Variants in VWF observed in about 807,000 individuals in gnomAD.
VWF encodes the protein von Willebrand factor.
VWF carries 176 observed loss-of-function variants against 308.6 expected under a neutral mutation model. That is an observed-to-expected ratio of 0.57 (90% CI 0.50 to 0.65). The LOEUF is 0.65. Ranked by LOEUF, VWF falls within the 30% of genes least tolerant of loss-of-function variation. The probability of loss-of-function intolerance (pLI) is 0.00; values close to 1 mark genes in which losing one functional copy is unlikely to be tolerated. For missense variants in VWF, 3,146 were observed against 3,648.2 expected (o/e 0.86, Z 3.55); for synonymous variants, 1,385 against 1,443.4 (o/e 0.96, Z 0.92).
intron 34 of VWF, among the ~76,000 whole-genome samples, chr12:6,001,738 G>A (rs981735627): frequency 3.3e-5 from 5 of 152,092 alleles, no homozygotes; most frequent in African/African-American, 1.2e-4. Context: ...ATCAAAATAT[G>A]TAGTTCTCAT....
At position 6,055,920 on chromosome 12, in the gene VWF, A is replaced by G. The variant is rs1322418767; in HGVS notation, c.1945+937T>C. 4.0e-5 allele frequency among the ~76,000 whole-genome samples: 6 copies of G among 151,706 alleles called. No homozygotes were observed. The East Asian group carries it at 1.2e-3, about 29-fold the overall frequency. ...CTCCCAAGTAGCTGGGACTACACCTACATTTTAATTTCTAAACACATCTAC... is the reference window on the plus strand; with the variant it reads ...CTCCCAAGTAGCTGGGACTACACCTGCATTTTAATTTCTAAACACATCTAC... On this transcript the variant is annotated intron_variant, in intron 15 of 51. Coordinates refer to ENST00000261405, the MANE Select transcript of VWF (RefSeq NM_000552.5).
intron 37 of VWF, among the ~76,000 whole-genome samples, chr12:5,993,364 T>C (rs1004260958): frequency 3.9e-5 from 6 of 152,136 alleles, no homozygotes; most frequent in African/African-American, 1.4e-4. Context: ...GCAGTGTTTA[T>C]AACTGAGAAG....
At chr12:5,980,104 AAGGAAGGAAGGAAG>A in intron 42 of VWF, among the ~76,000 whole-genome samples, 1 of 21,228 alleles carries the variant, frequency 4.7e-5, no homozygotes, top group Non-Finnish European at 1.3e-4. Flanking sequence ...GGAAGGAAGG[AAGGAAGGAAGGAAG>A]GAAGGAAGGA....
chr12:6,046,752 G>A lies in VWF; in HGVS notation c.2252C>T (p.Ala751Val). Residue 751 changes from alanine (A) to valine (V), a missense_variant, in exon 17 of 52, where the codon GCT (alanine) becomes GTT (valine). Transcript: ENST00000261405. The surrounding 1 kb of genome is among the most constrained non-coding windows in gnomAD (Gnocchi z 5.0). ...SGVPGSLLPD[A>V]VLSSPLSHRS... Reference sequence around the variant, plus strand: ...ATGAGACAGGGGACTGCTGAGGACAGCGTCAGGCAGCAAGCTTCCGGGGAC... The same window carrying A: ...ATGAGACAGGGGACTGCTGAGGACAACGTCAGGCAGCAAGCTTCCGGGGAC... 7 of 1,614,204 alleles carry A rather than the reference G, an allele frequency of 4.3e-6. No homozygotes were observed. Among genetic ancestry groups the A allele is most frequent in the East Asian group, 4.5e-5 (2 of 44,888 alleles).
intron 6 of VWF, among the ~76,000 whole-genome samples, chr12:6,076,377 G>A (rs1944845160): frequency 6.6e-6 from 1 of 152,190 alleles, no homozygotes; most frequent in African/African-American, 2.4e-5. Flanking sequence ...CATCTCTGAA[G>A]TTGGATTGCG....
Position 6,018,472 on chromosome 12 carries a change from A to T in VWF, c.4946T>A (p.Ile1649Asn). ...GAGCGTCTCAAAGTCCTGGATGAGG[A>T]TAGGGGCATTGGGCCAGCCAATCCT... ...LERIGWPNAP[I>N]LIQDFETLPR... is the part of the protein sequence containing the mutation. Residue 1649 changes from isoleucine (I) to asparagine (N), a missense_variant, in exon 28 of 52, where the codon ATC becomes AAC. This residue lies in a region of VWF where 853 missense variants were observed against 1,177.8 expected (regional missense o/e 0.72). Coordinates refer to ENST00000261405, the MANE Select transcript of VWF (RefSeq NM_000552.5). The T allele has an allele frequency of 6.2e-7, 1 of 1,613,668 alleles. No homozygotes were observed. Among genetic ancestry groups the T allele is most frequent in the Non-Finnish European group, 8.5e-7 (1 of 1,179,902 alleles).
intron 6 of VWF, among the ~76,000 whole-genome samples, chr12:6,092,618 AGTGT>A (rs752209524): frequency 0.061 from 3,981 of 65,650 alleles, 89 homozygotes; most frequent in Admixed American, 0.072. Context: ...AGTGAGTGAG[AGTGT>A]GTGTGTGTGT....
chr12:6,092,920 A>G (rs550372881), intron 6 of VWF, among the ~76,000 whole-genome samples: 4 of 152,050 alleles, frequency 2.6e-5, no homozygotes, highest in Non-Finnish European at 4.4e-5. Context: ...CTCCTCCCAT[A>G]ACCTGTTAAA....
intron 6 of VWF, among the ~76,000 whole-genome samples, chr12:6,090,173 G>A (rs967245270): frequency 1.3e-5 from 2 of 152,058 alleles, no homozygotes; most frequent in Non-Finnish European, 2.9e-5. Context: ...TAGCCAGGAT[G>A]GTCTCAATCT....
chr12:5,951,969 G>T, intron 49 of VWF, 86 bp from the exon 50 acceptor site: 3 of 1,329,400 alleles, frequency 2.3e-6, no homozygotes, highest in South Asian at 2.4e-5. Context: ...TTTTAGCTCC[G>T]AACTCACAGC....
intron 10 of VWF, 71 bp from the exon 11 acceptor site, chr12:6,065,344 T>A (rs2136463190): frequency 6.3e-7 from 1 of 1,594,568 alleles, no homozygotes; most frequent in East Asian, 2.2e-5. Context: ...CAAGGTGGAA[T>A]GCATATGCAA....
At chr12:6,042,459 G>C (rs747406590) in intron 18 of VWF, among the ~76,000 whole-genome samples, 12 of 152,210 alleles carry the variant, frequency 7.9e-5, no homozygotes, top group African/African-American at 2.9e-4. Flanking sequence ...CGTGCTGCAG[G>C]CGGCACGCTG....
intron 38 of VWF, 102 bp downstream of exon 38, chr12:5,991,717 C>T (rs535661047): frequency 1.9e-4 from 243 of 1,309,076 alleles, no homozygotes; most frequent in African/African-American, 6.3e-4. Flanking sequence ...AAGAGTCAAC[C>T]CTGCTGCCAC....
chr12:5,985,589 G>T lies in VWF; in HGVS notation c.6875C>A (p.Thr2292Lys), dbSNP rs755358165. The change falls in exon 39 of 52, where the codon ACA becomes AAA. Residue 2292 changes from threonine (T) to lysine (K), a missense_variant. Physicochemically the swap from Thr to Lys is moderately conservative, Grantham distance 78. Coordinates refer to ENST00000261405, the MANE Select transcript of VWF (RefSeq NM_000552.5). ...TCLSGRKVNCTTQPCPTAKAP... is the reference protein window; with the variant it reads ...TCLSGRKVNCKTQPCPTAKAP... The stretch of plus-strand genomic sequence containing the variant: ...TTTGGCCGTGGGGCAGGGCTGCGTT[G>T]TGCAGTTGACCTTCCGCCCGCTGAG... 1.2e-6 allele frequency: 2 copies of T among 1,614,012 alleles called. No individual in the cohort carries two copies. The highest frequency in any genetic ancestry group is 1.7e-6 in the Non-Finnish European group (2 of 1,180,052).
intron 34 of VWF, among the ~76,000 whole-genome samples, chr12:6,008,220 A>AT (rs887949731): frequency 6.6e-6 from 1 of 151,888 alleles, no homozygotes; most frequent in Admixed American, 6.6e-5. Context: ...CTTTACATTA[A>AT]AAAAAACTAC....
rs934284496 is a variant in VWF at position 6,063,744 on chromosome 12, G to A, written c.1432+502C>T. ...ATGCAAAAGCAGGTTTGCTTTGACC[G>A]GCACAGTGCAACCCAGGTGAAGATA... On this transcript the variant is annotated intron_variant, in intron 12 of 51. Transcript: ENST00000261405. This position sits in a 1 kb window ranked among gnomAD's most constrained non-coding sequence, Gnocchi z 4.9. Among the ~76,000 whole-genome samples, 19 of 152,078 alleles carry A rather than the reference G, an allele frequency of 1.2e-4. No individual in the cohort carries two copies. Among genetic ancestry groups the A allele is most frequent in the Non-Finnish European group, 2.4e-4 (16 of 68,006 alleles).
chr12:6,092,628 T>TGAGAGTGAGAGAGAGAGAGAGAGA (rs1565386731), intron 6 of VWF, among the ~76,000 whole-genome samples: 3 of 80,192 alleles, frequency 3.7e-5, no homozygotes, highest in African/African-American at 2.3e-4. Context: ...AGTGTGTGTG[T>TGAGAGTGAGAGAGAGAGAGAGAGA]GTGTGTGTGT....
intron 34 of VWF, among the ~76,000 whole-genome samples, chr12:6,001,428 G>GAT (rs1307166270): frequency 6.6e-6 from 1 of 151,990 alleles, no homozygotes; most frequent in Non-Finnish European, 1.5e-5. Context: ...ACAGACAAAG[G>GAT]ATATCAAACA....
intron 38 of VWF, among the ~76,000 whole-genome samples, chr12:5,987,645 A>G (rs1468008026): frequency 6.6e-6 from 1 of 152,278 alleles, no homozygotes; most frequent in Non-Finnish European, 1.5e-5. Flanking sequence ...CACACCGTGG[A>G]ATACCACCTA....
Sources: gnomAD v4.1 joint callset for allele counts (sites outside exome capture counted in the v4.1 genomes callset) on GRCh38, gnomAD v4.1.1 for gene constraint, gnomAD v4.1.1 regional missense constraint, Gnocchi (gnomAD v3.1) non-coding constraint, MANE v1.5 for transcripts, NCBI Gene and HGNC (gene_info 2026-07-23, HGNC 2026-07-21) for gene names.